Variants in COL24A1 observed in about 807,000 individuals in gnomAD.
The protein encoded by COL24A1 is collagen type XXIV alpha 1 chain.
In COL24A1, 224 loss-of-function variants were observed where a neutral mutation model predicts 253.9. That is an observed-to-expected ratio of 0.88 (90% CI 0.79 to 0.99). COL24A1 has a LOEUF of 0.99. COL24A1 is among the 50% of genes least tolerant of loss of function. The pLI, the probability that COL24A1 is intolerant of heterozygous loss-of-function variation, is 0.00. For synonymous variants in COL24A1, 685 were observed against 673.7 expected, an observed-to-expected ratio of 1.02 and a Z score of -0.26; for missense variants, 2,131 against 2,068.5, an observed-to-expected ratio of 1.03 and a Z score of -0.59.
At chr1:85,771,507 G>A (rs1008929166) in intron 53 of COL24A1, among the ~76,000 whole-genome samples, 5 of 152,248 alleles carry the variant, frequency 3.3e-5, no homozygotes, top group Admixed American at 3.3e-4. Context: ...ACTACTGATG[G>A]ACATTTGGGT....
At chr1:85,739,267 A>T (rs1277276424) in intron 57 of COL24A1, among the ~76,000 whole-genome samples, 5 of 152,212 alleles carry the variant, frequency 3.3e-5, no homozygotes, top group Admixed American at 1.3e-4. Flanking sequence ...AATTCTTTAT[A>T]AAAGGTTTTC....
At chr1:85,848,486 T>G (rs1677387019) in intron 38 of COL24A1, among the ~76,000 whole-genome samples, 1 of 152,078 alleles carries the variant, frequency 6.6e-6, no homozygotes, top group South Asian at 2.1e-4. Context: ...ATTTTTGTAG[T>G]TTTAGCAGAG....
At chr1:85,971,997 A>G (rs963216139) in intron 20 of COL24A1, among the ~76,000 whole-genome samples, 3 of 152,204 alleles carry the variant, frequency 2.0e-5, no homozygotes, top group African/African-American at 7.2e-5. Flanking sequence ...CATGTTGTTA[A>G]AAATCGATTG....
At chr1:85,941,564 G>C (rs1271418008) in intron 24 of COL24A1, among the ~76,000 whole-genome samples, 1 of 152,112 alleles carries the variant, frequency 6.6e-6, no homozygotes, top group Non-Finnish European at 1.5e-5. Flanking sequence ...GATATGAAAA[G>C]CATTCAGTTA....
intron 2 of COL24A1, among the ~76,000 whole-genome samples, chr1:86,141,335 A>G (rs1269975158): frequency 6.6e-6 from 1 of 152,194 alleles, no homozygotes; most frequent in African/African-American, 2.4e-5. Flanking sequence ...AAGTTTGTAT[A>G]AGAAGTTTCC....
intron 37 of COL24A1, among the ~76,000 whole-genome samples, chr1:85,851,979 T>G (rs1050087287): frequency 1.3e-5 from 2 of 152,230 alleles, no homozygotes; most frequent in African/African-American, 4.8e-5. Context: ...AAATCTTTAC[T>G]GCTTCCCCTT....
chr1:85,942,802 A>T (rs1277314811), intron 24 of COL24A1, among the ~76,000 whole-genome samples: 1 of 152,178 alleles, frequency 6.6e-6, no homozygotes, highest in Non-Finnish European at 1.5e-5. Flanking sequence ...TTACAGTGGA[A>T]CTACTGCTTT....
chr1:86,089,343 A>T, intron 6 of COL24A1, 116 bp from the exon 7 acceptor site: 14 of 808,866 alleles, frequency 1.7e-5, no homozygotes, highest in Non-Finnish European at 2.8e-5. Flanking sequence ...ATCATTTCCA[A>T]TCTTCACAAT....
At chr1:86,029,579 A>C (rs1698360930) in intron 14 of COL24A1, among the ~76,000 whole-genome samples, 1 of 151,664 alleles carries the variant, frequency 6.6e-6, no homozygotes, top group Non-Finnish European at 1.5e-5. Flanking sequence ...TCCAATAACT[A>C]AGCTCCTGAC....
chr1:85,998,759 T>A (rs1695114964), intron 19 of COL24A1, among the ~76,000 whole-genome samples: 1 of 152,218 alleles, frequency 6.6e-6, no homozygotes, highest in Non-Finnish European at 1.5e-5. Context: ...TGACTGCCCA[T>A]TATAAAAGAT....
chr1:86,105,020 T>G (rs1704827698), intron 5 of COL24A1, among the ~76,000 whole-genome samples: 1 of 152,146 alleles, frequency 6.6e-6, no homozygotes, highest in Admixed American at 6.5e-5. Context: ...TGCAGGACTG[T>G]GTGTGCCCTC....
intron 59 of COL24A1, among the ~76,000 whole-genome samples, chr1:85,731,101 T>C (rs1663425322): frequency 6.6e-6 from 1 of 152,222 alleles, no homozygotes; most frequent in Non-Finnish European, 1.5e-5. Flanking sequence ...AACCTCTGTA[T>C]TTTAGGTAGA....
intron 28 of COL24A1, among the ~76,000 whole-genome samples, chr1:85,900,894 T>G (rs1684220020): frequency 6.6e-6 from 1 of 151,792 alleles, no homozygotes; most frequent in African/African-American, 2.4e-5. Context: ...TAGCACCATA[T>G]ACAAAAATCA....
chr1:86,069,956 A>T (rs1017532801), intron 7 of COL24A1, among the ~76,000 whole-genome samples: 1 of 152,178 alleles, frequency 6.6e-6, no homozygotes, highest in African/African-American at 2.4e-5. Context: ...CCACCACAAA[A>T]ACATGATCTC....
At chr1:86,106,632 G>A (rs936946331) in intron 5 of COL24A1, among the ~76,000 whole-genome samples, 7 of 151,986 alleles carry the variant, frequency 4.6e-5, no homozygotes, top group African/African-American at 1.2e-4. Context: ...CATTCCCATC[G>A]CGCTGCAAAT....
rs573840861 is a variant in COL24A1, at chr1:86,072,533, G to C, written c.1708-8774C>G. Among the ~76,000 whole-genome samples the C allele has an allele frequency of 2.6e-5, 4 of 152,314 alleles. No homozygotes were observed. The East Asian group carries it at 7.7e-4, about 29-fold the overall frequency. On this transcript the variant is annotated intron_variant, in intron 7 of 59. Transcript: ENST00000370571. ...AAACTCCCTGGGTCAGAGCACCTGGGGGAAGGGGTGGCTGTGGGTGCAGCT... is the reference window on the plus strand; with the variant it reads ...AAACTCCCTGGGTCAGAGCACCTGGCGGAAGGGGTGGCTGTGGGTGCAGCT...
chr1:86,127,865 G>A (rs1218899856), intron 2 of COL24A1, among the ~76,000 whole-genome samples: 1 of 151,932 alleles, frequency 6.6e-6, no homozygotes, highest in Non-Finnish European at 1.5e-5. Flanking sequence ...CCATTCCTGT[G>A]TAATCTAGCA....
intron 53 of COL24A1, among the ~76,000 whole-genome samples, chr1:85,768,459 T>A (rs1667602171): frequency 1.3e-5 from 2 of 152,060 alleles, no homozygotes; most frequent in Admixed American, 6.6e-5. Flanking sequence ...AGGAGGGATA[T>A]CATGATCACC....
chr1:85,812,323 G>C (rs72950695), intron 47 of COL24A1, among the ~76,000 whole-genome samples: 3,272 of 152,264 alleles, frequency 0.021, 124 homozygotes, highest in African/African-American at 0.074. Context: ...AGCTTTCCTA[G>C]AGAATTCCCT....
Sources: gnomAD v4.1 joint callset for allele counts (sites outside exome capture counted in the v4.1 genomes callset) on GRCh38, gnomAD v4.1.1 for gene constraint, MANE v1.5 for transcripts, NCBI Gene and HGNC (gene_info 2026-07-23, HGNC 2026-07-21) for gene names.